FGGY: variants seen among roughly 807,000 people sequenced by gnomAD.
FGGY encodes the protein FGGY carbohydrate kinase domain containing, also known as FGGY carbohydrate kinase domain-containing protein.
Under a neutral mutation model 71.3 loss-of-function variants are expected in FGGY, and 72 were observed. The ratio of observed to expected loss-of-function variants is 1.01; its 90% CI spans 0.84 to 1.23. FGGY has a LOEUF of 1.23. Among genes scored for constraint, FGGY ranks in the 50% most tolerant of loss-of-function variants. The pLI is 0.00. For missense variants in FGGY, 668 were observed against 682.3 expected, an observed-to-expected ratio of 0.98 and a Z score of 0.23; for synonymous variants, 251 against 250.3, an observed-to-expected ratio of 1.00 and a Z score of -0.02.
At chr1:59,411,720 C>T (rs2063628159) in intron 5 of FGGY, among the ~76,000 whole-genome samples, 1 of 152,130 alleles carries the variant, frequency 6.6e-6, no homozygotes, top group African/African-American at 2.4e-5. Flanking sequence ...ATTTTATTGT[C>T]TGGATTATAA....
chr1:59,612,864 A>G (rs572264556), intron 9 of FGGY, among the ~76,000 whole-genome samples: 148 of 152,352 alleles, frequency 9.7e-4, no homozygotes, highest in Admixed American at 1.5e-3. Flanking sequence ...CTGATAAAAC[A>G]GACTTTAAAC....
At chr1:59,538,776 A>G (rs954083352) in intron 7 of FGGY, among the ~76,000 whole-genome samples, 1 of 147,858 alleles carries the variant, frequency 6.8e-6, no homozygotes, top group Non-Finnish European at 1.5e-5. Flanking sequence ...ATTCTCACTC[A>G]TAGGTGGGAA....
intron 6 of FGGY, among the ~76,000 whole-genome samples, chr1:59,461,091 G>T (rs1372854948): frequency 6.6e-6 from 1 of 152,174 alleles, no homozygotes; most frequent in Non-Finnish European, 1.5e-5. Flanking sequence ...ACAGAAGTAG[G>T]CTTCAGAAGG....
At chr1:59,308,626 C>G (rs1028758659) in intron 1 of FGGY, among the ~76,000 whole-genome samples, 2 of 152,128 alleles carry the variant, frequency 1.3e-5, no homozygotes, top group Non-Finnish European at 2.9e-5. Context: ...GAACCCCACC[C>G]CAGTGTTTCT....
chr1:59,593,225 G>C (rs1417689888), intron 8 of FGGY, among the ~76,000 whole-genome samples: 2 of 152,208 alleles, frequency 1.3e-5, no homozygotes, highest in African/African-American at 2.4e-5. Context: ...GGTTCAGCTG[G>C]GTTCCCCTGA....
At chr1:59,589,077 A>G (rs1447711273) in intron 8 of FGGY, among the ~76,000 whole-genome samples, 1 of 152,228 alleles carries the variant, frequency 6.6e-6, no homozygotes, top group African/African-American at 2.4e-5. Context: ...TAGGCTCAAA[A>G]TAAAAGGATG....
chr1:59,585,277 A>G (rs1157877836), intron 8 of FGGY, among the ~76,000 whole-genome samples: 1 of 152,214 alleles, frequency 6.6e-6, no homozygotes, highest in African/African-American at 2.4e-5. Flanking sequence ...CTATACTACC[A>G]GGCTACAGGA....
intron 5 of FGGY, among the ~76,000 whole-genome samples, chr1:59,430,565 G>C (rs1240262351): frequency 1.3e-5 from 2 of 151,926 alleles, no homozygotes; most frequent in Non-Finnish European, 2.9e-5. Context: ...TCTCATAAGG[G>C]CCCATTTTCC....
intron 7 of FGGY, among the ~76,000 whole-genome samples, chr1:59,522,338 A>T (rs1335165031): frequency 6.6e-6 from 1 of 152,136 alleles, no homozygotes; most frequent in Non-Finnish European, 1.5e-5. Flanking sequence ...ACCAATGCAT[A>T]TTTGTATCTA....
At chr1:59,467,307 C>T (rs2092693343) in intron 6 of FGGY, among the ~76,000 whole-genome samples, 1 of 151,842 alleles carries the variant, frequency 6.6e-6, no homozygotes, top group African/African-American at 2.4e-5. Context: ...ACGATGAGAA[C>T]ACTTGGACAC....
intron 7 of FGGY, among the ~76,000 whole-genome samples, chr1:59,551,887 GC>G (rs2095613463): frequency 6.6e-6 from 1 of 152,158 alleles, no homozygotes; most frequent in Non-Finnish European, 1.5e-5. Context: ...CTGTACAAAA[GC>G]CTTTGTGCCC....
At position 59,512,405 on chromosome 1, in the gene FGGY, A is replaced by T; in HGVS notation, c.765A>T (p.Ala255=). 6.2e-7 allele frequency: 1 copy of T among 1,614,008 alleles called. No homozygotes were observed. The highest frequency in any genetic ancestry group is 8.5e-7 in the Non-Finnish European group (1 of 1,179,914). ...GCCTTCTCCCTGGGATTGCGGTCGCAGCTTCACTCATTGATGCCCATGCAG... is the reference window on the plus strand; with the variant it reads ...GCCTTCTCCCTGGGATTGCGGTCGCTGCTTCACTCATTGATGCCCATGCAG... ...DLGLLPGIAV[A]ASLIDAHAGG... The change falls in exon 7 of 16, where the codon GCA becomes GCT. Residue 255 remains alanine (A), a synonymous_variant. Coordinates refer to ENST00000303721, the MANE Select transcript of FGGY (RefSeq NM_018291.5).
chr1:59,645,117 G>A (rs552545960), intron 11 of FGGY, among the ~76,000 whole-genome samples: 14 of 152,320 alleles, frequency 9.2e-5, no homozygotes, highest in Non-Finnish European at 1.9e-4. Flanking sequence ...GAGGGCCCAG[G>A]TTTTGAAATC....
At chr1:59,462,857 G>T (rs908055711) in intron 6 of FGGY, among the ~76,000 whole-genome samples, 4 of 151,802 alleles carry the variant, frequency 2.6e-5, no homozygotes, top group Non-Finnish European at 4.4e-5. Context: ...TACACTGTTG[G>T]TGGGACTGTA....
intron 6 of FGGY, among the ~76,000 whole-genome samples, chr1:59,490,155 A>G (rs1414306410): frequency 6.6e-6 from 1 of 152,070 alleles, no homozygotes; most frequent in Non-Finnish European, 1.5e-5. Flanking sequence ...GGCTCAAGTG[A>G]TCTTCCCACC....
intron 1 of FGGY, among the ~76,000 whole-genome samples, chr1:59,304,470 A>G (rs2043172716): frequency 6.6e-6 from 1 of 152,204 alleles, no homozygotes; most frequent in Admixed American, 6.5e-5. Flanking sequence ...TGATTATTAT[A>G]GCTTTGTAAT....
At chr1:59,519,661 T>G (rs75819341) in intron 7 of FGGY, among the ~76,000 whole-genome samples, 62 of 152,366 alleles carry the variant, frequency 4.1e-4, no homozygotes, top group Non-Finnish European at 7.3e-4. Context: ...CCACTCTGAC[T>G]GGTACTACTA....
intron 5 of FGGY, among the ~76,000 whole-genome samples, chr1:59,447,527 T>C (rs1023794140): frequency 6.6e-6 from 1 of 152,146 alleles, no homozygotes; most frequent in Non-Finnish European, 1.5e-5. Flanking sequence ...TTTGGCTGTG[T>C]CCCCACCCAA....
intron 7 of FGGY, among the ~76,000 whole-genome samples, chr1:59,521,664 C>G (rs12096521): frequency 0.092 from 14,039 of 152,116 alleles, 1,346 homozygotes; most frequent in African/African-American, 0.24. Context: ...AAAACTGAGG[C>G]CCAGACAATG....
Sources: allele counts gnomAD v4.1 joint callset (sites outside exome capture counted in the v4.1 genomes callset), GRCh38; gene constraint gnomAD v4.1.1; transcripts MANE v1.5; gene names NCBI Gene and HGNC (gene_info 2026-07-23, HGNC 2026-07-21).